The following ESRRG variants were observed in gnomAD, a reference collection of about 807,000 sequenced individuals.
ESRRG encodes the protein estrogen-related receptor gamma.
In ESRRG, 13 loss-of-function variants were observed where a neutral mutation model predicts 44.0. That is an observed-to-expected ratio of 0.30 (90% CI 0.19 to 0.47). The LOEUF is 0.47. Among genes scored for constraint, ESRRG ranks in the 20% least tolerant of loss-of-function variants. The probability of loss-of-function intolerance (pLI) is 1.00; values close to 1 mark genes in which losing one functional copy is unlikely to be tolerated. For synonymous variants in ESRRG, 215 were observed against 214.6 expected (o/e 1.00, Z -0.02); for missense variants, 395 against 580.6 (o/e 0.68, Z 3.29).
chr1:216,971,388 G>GAA (rs1415977624), intron 1 of ESRRG, among the ~76,000 whole-genome samples: 2 of 152,174 alleles, frequency 1.3e-5, no homozygotes, highest in Non-Finnish European at 2.9e-5. Flanking sequence ...CAACGTGTTA[G>GAA]AAAGAAGTAC....
At chr1:216,783,352 T>A (rs1043225589) in intron 2 of ESRRG, among the ~76,000 whole-genome samples, 2 of 152,100 alleles carry the variant, frequency 1.3e-5, no homozygotes, top group Non-Finnish European at 2.9e-5. Context: ...GCTACTTTAT[T>A]AGCTGCACAA....
chr1:216,886,055 T>TTG (rs2096513199), intron 2 of ESRRG, among the ~76,000 whole-genome samples: 1 of 152,184 alleles, frequency 6.6e-6, no homozygotes. Flanking sequence ...ACTTTCCTTG[T>TTG]TGTGTAATTC....
At chr1:216,813,013 G>T (rs1465459713) in intron 2 of ESRRG, among the ~76,000 whole-genome samples, 1 of 152,184 alleles carries the variant, frequency 6.6e-6, no homozygotes, top group Non-Finnish European at 1.5e-5. Flanking sequence ...AAAGAATGCT[G>T]TGCAGCTGAA....
At chr1:217,086,819 G>T (rs2092108763) in intron 1 of ESRRG, among the ~76,000 whole-genome samples, 1 of 152,070 alleles carries the variant, frequency 6.6e-6, no homozygotes, top group Non-Finnish European at 1.5e-5. Flanking sequence ...GACACCTTCG[G>T]TGTCTAATTG....
At chr1:216,600,917 T>C (rs993931390) in intron 3 of ESRRG, among the ~76,000 whole-genome samples, 7 of 152,298 alleles carry the variant, frequency 4.6e-5, no homozygotes, top group Admixed American at 6.5e-5. Context: ...GACACATTTA[T>C]TCAGCCCAAT....
At chr1:216,937,051 T>C (rs1014709998) in intron 2 of ESRRG, among the ~76,000 whole-genome samples, 3 of 152,048 alleles carry the variant, frequency 2.0e-5, no homozygotes, top group Non-Finnish European at 4.4e-5. Context: ...TCCCTTGTAA[T>C]TGGTACTTAT....
At chr1:216,839,717 C>T (rs2095621416) in intron 2 of ESRRG, among the ~76,000 whole-genome samples, 1 of 131,152 alleles carries the variant, frequency 7.6e-6, no homozygotes, top group Non-Finnish European at 1.6e-5. Flanking sequence ...ATTTTTCATT[C>T]ATCTATTGAA....
At chr1:216,805,103 C>T (rs908472420) in intron 2 of ESRRG, 10 of 152,110 alleles carry the variant, frequency 6.6e-5, no homozygotes, top group African/African-American at 2.2e-4. Flanking sequence ...GAAAACTATT[C>T]TTTGAATCGA....
intron 2 of ESRRG, among the ~76,000 whole-genome samples, chr1:216,928,684 G>A (rs533869510): frequency 2.0e-5 from 3 of 152,088 alleles, no homozygotes; most frequent in Admixed American, 6.6e-5. Flanking sequence ...TTAAAACAAT[G>A]GTCTCCTATG....
At chr1:216,652,954 G>C (rs780181780) in intron 2 of ESRRG, among the ~76,000 whole-genome samples, 1 of 151,364 alleles carries the variant, frequency 6.6e-6, no homozygotes, top group Non-Finnish European at 1.5e-5. Context: ...AACAGTGACT[G>C]CTTAAAAGGA....
At chr1:216,961,775 C>A (rs1257487368) in intron 1 of ESRRG, among the ~76,000 whole-genome samples, 1 of 152,100 alleles carries the variant, frequency 6.6e-6, no homozygotes, top group East Asian at 1.9e-4. Context: ...AAGATTGATA[C>A]TAGTAAAACT....
chr1:217,090,866 T>C (rs956442637), upstream of ESRRG, among the ~76,000 whole-genome samples: 3 of 152,234 alleles, frequency 2.0e-5, no homozygotes, highest in Admixed American at 2.0e-4. Flanking sequence ...GTTATTTTTA[T>C]AATTATGCTC....
At chr1:216,945,397 G>A (rs1002934820) in intron 1 of ESRRG, among the ~76,000 whole-genome samples, 2 of 151,952 alleles carry the variant, frequency 1.3e-5, no homozygotes, top group Non-Finnish European at 2.9e-5. Context: ...AGCAGACCCC[G>A]AGAGAAAATA....
At chr1:216,727,364 C>A (rs1007850981), upstream of ESRRG, among the ~76,000 whole-genome samples, 15 of 152,044 alleles carry the variant, frequency 9.9e-5, no homozygotes, top group African/African-American at 3.6e-4. Flanking sequence ...ATCTTTAACT[C>A]CAAAAGACAA....
chr1:216,649,542 A>G (rs1046719176), intron 3 of ESRRG, among the ~76,000 whole-genome samples: 5 of 152,044 alleles, frequency 3.3e-5, no homozygotes, highest in African/African-American at 1.2e-4. Flanking sequence ...ACATACACAC[A>G]CATACATATA....
intron 5 of ESRRG, among the ~76,000 whole-genome samples, chr1:216,542,637 A>T (rs189209738): frequency 6.6e-6 from 1 of 152,010 alleles, no homozygotes; most frequent in Non-Finnish European, 1.5e-5. Context: ...AAACTTTCAC[A>T]TTTTTGTACT....
chr1:217,137,225 A>T (rs931085689), intron 1 of ESRRG, among the ~76,000 whole-genome samples: 5 of 152,224 alleles, frequency 3.3e-5, no homozygotes, highest in African/African-American at 1.2e-4. Flanking sequence ...CAGTTTATGT[A>T]GTGGCGTTGC....
chr1:216,816,897 C>T (rs920849319), intron 2 of ESRRG, among the ~76,000 whole-genome samples: 4 of 152,266 alleles, frequency 2.6e-5, no homozygotes, highest in African/African-American at 9.6e-5. Context: ...GTTTCATTAT[C>T]CTACTCAAGG....
chr1:217,106,002 A>G (rs1490284653), intron 1 of ESRRG, among the ~76,000 whole-genome samples: 1 of 152,238 alleles, frequency 6.6e-6, no homozygotes, highest in Admixed American at 6.5e-5. Context: ...TCAGACTGTG[A>G]TGAATTCAGT....
Sources: allele counts gnomAD v4.1 joint callset (sites outside exome capture counted in the v4.1 genomes callset), GRCh38; gene constraint gnomAD v4.1.1; transcripts MANE v1.5; gene names NCBI Gene and HGNC (gene_info 2026-07-23, HGNC 2026-07-21).